The following NDUFA1 variants were observed in gnomAD, a reference collection of about 807,000 sequenced individuals.
NDUFA1 encodes the protein NADH dehydrogenase [ubiquinone] 1 alpha subcomplex subunit 1.
For synonymous variants in NDUFA1, 21 were observed against 20.0 expected (o/e 1.05, Z -0.14); for missense variants, 42 against 56.0 (o/e 0.75, Z 0.80).
rs368286048 is a variant in NDUFA1 at position 119,871,861 on chromosome X, C to A, written c.-51C>A. The A allele has an allele frequency of 4.3e-6, 5 of 1,174,612 alleles. No individual in the cohort carries two copies. Among genetic ancestry groups the A allele is most frequent in the Non-Finnish European group, 5.8e-6 (5 of 861,755 alleles). Reference sequence around the variant, plus strand: ...GCTGGGAAGAGAGGCGAAGCCAGGTCACCTTTCAAGGACCCAGAAGTAGGG... The same window carrying A: ...GCTGGGAAGAGAGGCGAAGCCAGGTAACCTTTCAAGGACCCAGAAGTAGGG... On this transcript the variant is annotated 5_prime_UTR_variant, in exon 1 of 3. Transcript: ENST00000371437.
At position 119,871,899 on chromosome X, in the gene NDUFA1, T is replaced by G; in HGVS notation, c.-13T>G. On this transcript the variant is annotated 5_prime_UTR_variant, in exon 1 of 3. Coordinates refer to ENST00000371437, the MANE Select transcript of NDUFA1 (RefSeq NM_004541.4). ...CCCAGAAGTAGGGTTTTGGCCTAGG[T>G]AACGGGGCAGAGATGTGGTTCGAGA... 1 of 1,208,896 alleles carries G rather than the reference T, an allele frequency of 8.3e-7. No homozygotes were observed. The highest frequency in any genetic ancestry group is 1.1e-6 in the Non-Finnish European group (1 of 892,463).
At chrX:119,873,828 C>T (rs186024779) in intron 2 of NDUFA1, among the ~76,000 whole-genome samples, 1,166 of 110,636 alleles carry the variant, frequency 0.011, 7 homozygotes, top group Middle Eastern at 0.056. Context: ...GTACAAAGGC[C>T]TTTTCTATCT....
At chrX:119,873,444 G>C in intron 2 of NDUFA1, 51 bp downstream of exon 2, 1 of 1,020,773 alleles carries the variant, frequency 9.8e-7, no homozygotes, top group African/African-American at 1.9e-5. Context: ...GGTGGGTTCT[G>C]GTAATGCCTT....
chrX:119,875,317 CTTTTTTTTT>C (rs61235666), intron 2 of NDUFA1, among the ~76,000 whole-genome samples: 5 of 59,640 alleles, frequency 8.4e-5, no homozygotes, highest in African/African-American at 3.7e-4. Flanking sequence ...ACTGATGAGT[CTTTTTTTTT>C]TTTTTTTTTT....
chrX:119,875,450 G>A (rs2056433646), intron 2 of NDUFA1, among the ~76,000 whole-genome samples: 2 of 105,702 alleles, frequency 1.9e-5, no homozygotes, highest in Middle Eastern at 5.2e-3. Flanking sequence ...TCAGCCTCAC[G>A]AGTAGCTGGG....
Position 119,876,633 on chromosome X carries a change from T to A in NDUFA1, c.*99T>A. ...ATTATGTAGCATGCAATGTGTTATGTAGTGCTTAATAAAAATAAAATGAAA... is the reference window on the plus strand; with the variant it reads ...ATTATGTAGCATGCAATGTGTTATGAAGTGCTTAATAAAAATAAAATGAAA... On this transcript the variant is annotated 3_prime_UTR_variant, in exon 3 of 3. Transcript: ENST00000371437. 1 of 743,227 alleles carries A rather than the reference T, an allele frequency of 1.3e-6. No homozygotes were observed. The highest frequency in any genetic ancestry group is 2.0e-6 in the Non-Finnish European group (1 of 495,024). 61.3% of individuals were successfully genotyped at this position (743,227 alleles called of 1,213,427 possible).
rs61235666 is a variant in NDUFA1, at chrX:119,875,317, C to CTTTTTTTTTTTTTTT, written c.193-1186_193-1172dup. Reference sequence around the variant, plus strand: ...AGAAGAAGTGTCATCACTGATGAGTCTTTTTTTTTTTTTTTTTTTTTTTTT... The same window carrying CTTTTTTTTTTTTTTT: ...AGAAGAAGTGTCATCACTGATGAGTCTTTTTTTTTTTTTTTTTTTTTTTTTTTTTTTTTTTTTTTT... On this transcript the variant is annotated intron_variant, in intron 2 of 2. Coordinates refer to ENST00000371437, the MANE Select transcript of NDUFA1 (RefSeq NM_004541.4). Among the ~76,000 whole-genome samples the CTTTTTTTTTTTTTTT allele has an allele frequency of 2.9e-4, 17 of 59,638 alleles. 1 individual carries two copies. The highest frequency in any genetic ancestry group is 1.3e-3 in the African/African-American group (17 of 13,515). The allele number at this position is 59,638 out of a possible 115,157, so 51.8% of individuals were successfully genotyped here.
chrX:119,875,317 C>CTTTTTTTTTTTTT (rs61235666), intron 2 of NDUFA1, among the ~76,000 whole-genome samples: 3 of 59,639 alleles, frequency 5.0e-5, no homozygotes, highest in African/African-American at 2.2e-4. Context: ...ACTGATGAGT[C>CTTTTTTTTTTTTT]TTTTTTTTTT....
At position 119,873,080 on chromosome X, in the gene NDUFA1, T is replaced by C. The variant is rs180726959; in HGVS notation, c.103-224T>C. 0.023 allele frequency among the ~76,000 whole-genome samples: 2,351 copies of C among 104,046 alleles called. 65 individuals are homozygous for C. Among genetic ancestry groups the C allele is most frequent in the African/African-American group, 0.08 (2,232 of 28,026 alleles). The allele number at this position is 104,046 out of a possible 115,157, so 90.4% of individuals were successfully genotyped here. The stretch of plus-strand genomic sequence containing the variant: ...TTTTTTAAAAAAAAAGGAAAAAAAA[T>C]TCATGTTGGTTAAAATAGTGTAAAA... On this transcript the variant is annotated intron_variant, in intron 1 of 2. Transcript: ENST00000371437.
At chrX:119,872,447 G>A (rs893329168) in intron 1 of NDUFA1, among the ~76,000 whole-genome samples, 7 of 108,940 alleles carry the variant, frequency 6.4e-5, no homozygotes, top group Admixed American at 3.0e-4. Flanking sequence ...GAGAAACCCC[G>A]TCTCTCCTAA....
At position 119,872,019 on chromosome X, in the gene NDUFA1, C is replaced by A; in HGVS notation, c.102+6C>A. 1 of 1,207,154 alleles carries A rather than the reference C, an allele frequency of 8.3e-7. No individual in the cohort carries two copies. Among genetic ancestry groups the A allele is most frequent in the Non-Finnish European group, 1.1e-6 (1 of 890,880 alleles). ...GGTTCACTAACGGGGGCAAGGTAAG[C>A]CGGCTTCGGCCCGGGGGCCGACTCC... On this transcript the variant is annotated splice_donor_region_variant and intron_variant, in intron 1 of 2. Transcript: ENST00000371437.
chrX:119,874,280 CAA>C (rs748783388), intron 2 of NDUFA1, among the ~76,000 whole-genome samples: 6 of 34,010 alleles, frequency 1.8e-4, no homozygotes, highest in African/African-American at 4.4e-4. Context: ...GAGCCTGTCT[CAA>C]AAAAAAAAAA....
chrX:119,872,217 A>G (rs1438980389), intron 1 of NDUFA1, among the ~76,000 whole-genome samples: 1 of 112,324 alleles, frequency 8.9e-6, no homozygotes, highest in African/African-American at 3.2e-5. Flanking sequence ...TGGGTGTATC[A>G]GAGTGGGCCT....
At chrX:119,872,627 TAAATA>T (rs1171712115) in intron 1 of NDUFA1, among the ~76,000 whole-genome samples, 1 of 107,008 alleles carries the variant, frequency 9.3e-6, no homozygotes, top group Non-Finnish European at 1.9e-5. Flanking sequence ...CAAAAAAAAA[TAAATA>T]AAGAAAGAAA....
chrX:119,873,818 G>A (rs1477786011), intron 2 of NDUFA1, among the ~76,000 whole-genome samples: 1 of 109,974 alleles, frequency 9.1e-6, no homozygotes, highest in African/African-American at 3.3e-5. Context: ...TATGTCTCCC[G>A]TACAAAGGCC....
intron 2 of NDUFA1, among the ~76,000 whole-genome samples, chrX:119,874,104 CT>C (rs761196794): frequency 2.7e-5 from 3 of 110,720 alleles, no homozygotes; most frequent in Non-Finnish European, 5.7e-5. Flanking sequence ...ATTAACTTTA[CT>C]TTTTTCCAAC....
At position 119,872,000 on chromosome X, in the gene NDUFA1, C is replaced by T; in HGVS notation, c.89C>T (p.Thr30Ile). 8.3e-7 allele frequency: 1 copy of T among 1,211,676 alleles called. No individual in the cohort carries two copies. The highest frequency in any genetic ancestry group is 3.0e-5 in the East Asian group (1 of 33,848). The part of the protein sequence containing the change: ...GLATAYIHRF[T>I]NGGKEKRVAH... ...GCTACTGCGTACATCCACAGGTTCA[C>T]TAACGGGGGCAAGGTAAGCCGGCTT... The change falls in exon 1 of 3, where the codon ACT (threonine) becomes ATT (isoleucine). Residue 30 changes from threonine (T) to isoleucine (I), a missense_variant. By Grantham distance (89) the Thr-to-Ile change is moderately conservative (BLOSUM62 -1). Coordinates refer to ENST00000371437, the MANE Select transcript of NDUFA1 (RefSeq NM_004541.4).
chrX:119,875,602 G>A (rs1435832816), intron 2 of NDUFA1, among the ~76,000 whole-genome samples: 2 of 110,230 alleles, frequency 1.8e-5, no homozygotes, highest in Non-Finnish European at 3.8e-5. Flanking sequence ...GAGCCACCAC[G>A]CCAGGTGTAA....
In NDUFA1 at chrX:119,871,870, A is replaced by G. The variant is rs750246311; in HGVS notation, c.-42A>G. 2 of 1,183,650 alleles carry G rather than the reference A, an allele frequency of 1.7e-6. No individual in the cohort carries two copies. Among genetic ancestry groups the G allele is most frequent in the East Asian group, 5.9e-5 (2 of 33,728 alleles). On this transcript the variant is annotated 5_prime_UTR_variant, in exon 1 of 3. Coordinates refer to ENST00000371437, the MANE Select transcript of NDUFA1 (RefSeq NM_004541.4). ...AGAGGCGAAGCCAGGTCACCTTTCA[A>G]GGACCCAGAAGTAGGGTTTTGGCCT...
Sources: allele counts gnomAD v4.1 joint callset (sites outside exome capture counted in the v4.1 genomes callset), GRCh38; gene constraint gnomAD v4.1.1; transcripts MANE v1.5; gene names NCBI Gene and HGNC (gene_info 2026-07-23, HGNC 2026-07-21).